MPPED2: variants seen among roughly 807,000 people sequenced by gnomAD.
The protein encoded by MPPED2 is metallophosphoesterase domain containing 2.
MPPED2 carries 5 observed loss-of-function variants against 33.0 expected under a neutral mutation model. The ratio of observed to expected loss-of-function variants is 0.15; its 90% CI spans 0.08 to 0.32. The LOEUF is 0.32. Among genes scored for constraint, MPPED2 ranks in the 10% least tolerant of loss-of-function variants. The pLI is 1.00. For synonymous variants in MPPED2, 136 were observed against 141.9 expected, an observed-to-expected ratio of 0.96 and a Z score of 0.29; for missense variants, 275 against 372.1, an observed-to-expected ratio of 0.74 and a Z score of 2.15.
intron 3 of MPPED2, among the ~76,000 whole-genome samples, chr11:30,524,630 T>C (rs562653482): frequency 4.6e-5 from 7 of 152,146 alleles, no homozygotes; most frequent in Admixed American, 4.6e-4. Flanking sequence ...GATATTATTA[T>C]TGGGGGATTC....
At chr11:30,535,057 T>G (rs1311995208) in intron 3 of MPPED2, among the ~76,000 whole-genome samples, 1 of 152,040 alleles carries the variant, frequency 6.6e-6, no homozygotes, top group African/African-American at 2.4e-5. Flanking sequence ...TCAAAATAAT[T>G]ATGTTATTAG....
chr11:30,388,075 C>G (rs1220775010), exon 7 of MPPED2: 1 of 152,402 alleles, frequency 6.6e-6, no homozygotes, highest in Non-Finnish European at 1.5e-5. Flanking sequence ...CGTCGGCTGC[C>G]TGGGACTTGG....
chr11:30,586,472 C>A (rs1564923705), upstream of MPPED2, among the ~76,000 whole-genome samples: 1 of 151,998 alleles, frequency 6.6e-6, no homozygotes, highest in Non-Finnish European at 1.5e-5. This position sits in a 1 kb window ranked among gnomAD's most constrained non-coding sequence, Gnocchi z 4.8. Flanking sequence ...TCCCGCAGTC[C>A]CTGCCCACTC....
chr11:30,425,032 G>A (rs1048089058), intron 4 of MPPED2, among the ~76,000 whole-genome samples: 7 of 152,114 alleles, frequency 4.6e-5, no homozygotes, highest in Non-Finnish European at 1.0e-4. Flanking sequence ...TCTTCACTAC[G>A]ACTTTGTAGC....
chr11:30,519,745 A>G (rs543671227), intron 3 of MPPED2, among the ~76,000 whole-genome samples: 163 of 152,210 alleles, frequency 1.1e-3, no homozygotes, highest in Non-Finnish European at 1.7e-3. Context: ...TATTCCTACT[A>G]GTAACCCCAG....
At chr11:30,514,985 C>A (rs1260155379) in intron 3 of MPPED2, among the ~76,000 whole-genome samples, 35 of 152,270 alleles carry the variant, frequency 2.3e-4, no homozygotes, top group Non-Finnish European at 2.9e-5. Context: ...ACCCCAGCTA[C>A]TCAGGGGGCT....
intron 4 of MPPED2, among the ~76,000 whole-genome samples, chr11:30,447,726 T>A (rs1190408160): frequency 6.6e-6 from 1 of 152,002 alleles, no homozygotes; most frequent in Admixed American, 6.5e-5. Context: ...AAAGGCCGAG[T>A]GTGGATTTTG....
At chr11:30,505,677 C>T (rs2134270474) in intron 3 of MPPED2, among the ~76,000 whole-genome samples, 1 of 152,266 alleles carries the variant, frequency 6.6e-6, no homozygotes, top group South Asian at 2.1e-4. Context: ...AAAACCGCAT[C>T]CAAATCAAGG....
intron 4 of MPPED2, among the ~76,000 whole-genome samples, chr11:30,456,644 T>A (rs1950291372): frequency 1.3e-5 from 2 of 152,294 alleles, no homozygotes; most frequent in Non-Finnish European, 2.9e-5. Flanking sequence ...AATATTACAA[T>A]CCTGATATTC....
chr11:30,388,926 C>T (rs1318968351), exon 7 of MPPED2: 6 of 1,566,154 alleles, frequency 3.8e-6, no homozygotes, highest in East Asian at 2.3e-5. Context: ...TATTTTTGTC[C>T]TCAGTGCCTT....
intron 2 of MPPED2, among the ~76,000 whole-genome samples, chr11:30,566,005 A>G (rs1956425324): frequency 6.6e-6 from 1 of 152,142 alleles, no homozygotes; most frequent in Non-Finnish European, 1.5e-5. Flanking sequence ...AAAAATTTTA[A>G]GAGTTTACTA....
chr11:30,541,727 C>T (rs750899337), intron 2 of MPPED2, among the ~76,000 whole-genome samples: 11 of 152,050 alleles, frequency 7.2e-5, no homozygotes, highest in South Asian at 2.1e-4. Context: ...CAAGTAACTA[C>T]GACTACAGGC....
chr11:30,403,161 G>A (rs1947934539), intron 6 of MPPED2, among the ~76,000 whole-genome samples: 1 of 152,036 alleles, frequency 6.6e-6, no homozygotes, highest in Non-Finnish European at 1.5e-5. Flanking sequence ...GCAGGAGAAT[G>A]GCGTGAACCC....
At chr11:30,570,740 A>C (rs185027733) in intron 2 of MPPED2, among the ~76,000 whole-genome samples, 143 of 152,310 alleles carry the variant, frequency 9.4e-4, no homozygotes, top group African/African-American at 3.3e-3. Flanking sequence ...TTTCAGTTTA[A>C]AGTCTTTGTT....
chr11:30,423,111 C>T (rs571621607), intron 4 of MPPED2, among the ~76,000 whole-genome samples: 4 of 152,230 alleles, frequency 2.6e-5, no homozygotes, highest in East Asian at 1.9e-4. Flanking sequence ...GTACACAGTA[C>T]GGTGGTGCAG....
intron 2 of MPPED2, among the ~76,000 whole-genome samples, chr11:30,573,907 A>G (rs1956811500): frequency 6.6e-6 from 1 of 152,220 alleles, no homozygotes; most frequent in African/African-American, 2.4e-5. Context: ...CTTATAGAAT[A>G]AGAATATAAA....
At chr11:30,466,786 G>C (rs899047796) in intron 4 of MPPED2, among the ~76,000 whole-genome samples, 1 of 152,114 alleles carries the variant, frequency 6.6e-6, no homozygotes, top group Admixed American at 6.5e-5. Flanking sequence ...CTGCATTTTT[G>C]GATAAAATGC....
At chr11:30,566,937 A>C (rs1387559779) in intron 2 of MPPED2, among the ~76,000 whole-genome samples, 1 of 152,178 alleles carries the variant, frequency 6.6e-6, no homozygotes, top group Non-Finnish European at 1.5e-5. Flanking sequence ...AAGGGGACAA[A>C]GCTAGAGAGA....
chr11:30,561,966 T>C (rs1467215706), intron 2 of MPPED2, among the ~76,000 whole-genome samples: 2 of 152,194 alleles, frequency 1.3e-5, no homozygotes, highest in Non-Finnish European at 2.9e-5. Flanking sequence ...ACCCTTGATC[T>C]TTGATACTCG....
Sources: allele counts gnomAD v4.1 joint callset (sites outside exome capture counted in the v4.1 genomes callset), GRCh38; gene constraint gnomAD v4.1.1; non-coding constraint Gnocchi (gnomAD v3.1); transcripts MANE v1.5; gene names NCBI Gene and HGNC (gene_info 2026-07-23, HGNC 2026-07-21).